The following KATNA1 variants were observed in gnomAD, a reference collection of about 807,000 sequenced individuals.
KATNA1 encodes katanin p60 ATPase-containing subunit A1.
KATNA1 carries 42 observed loss-of-function variants against 62.6 expected under a neutral mutation model. The ratio of observed to expected loss-of-function variants is 0.67; its 90% CI spans 0.52 to 0.87. The LOEUF (loss-of-function observed/expected upper bound fraction) is 0.87. KATNA1 is among the 40% of genes least tolerant of loss of function. KATNA1 has a pLI of 0.00. For missense variants in KATNA1, 498 were observed against 612.5 expected (o/e 0.81, Z 1.97); for synonymous variants, 186 against 201.9 (o/e 0.92, Z 0.67).
chr6:149,609,397 A>G (rs1257633089), intron 4 of KATNA1, among the ~76,000 whole-genome samples: 1 of 152,194 alleles, frequency 6.6e-6, no homozygotes. Context: ...TTTTCAAGAA[A>G]AAAACTCAGG....
At chr6:149,644,506 C>T (rs917693458) in intron 1 of KATNA1, among the ~76,000 whole-genome samples, 4 of 151,918 alleles carry the variant, frequency 2.6e-5, no homozygotes, top group African/African-American at 9.7e-5. Context: ...CCTGTAGTCC[C>T]AGCTACCAGG....
chr6:149,600,320 G>A (rs1301855285), intron 7 of KATNA1, among the ~76,000 whole-genome samples: 1 of 150,952 alleles, frequency 6.6e-6, no homozygotes, highest in Non-Finnish European at 1.5e-5. Flanking sequence ...GCAACGTAGT[G>A]AGACTTCATC....
At chr6:149,646,917 A>G (rs1780507522) in intron 1 of KATNA1, among the ~76,000 whole-genome samples, 1 of 152,232 alleles carries the variant, frequency 6.6e-6, no homozygotes, top group Admixed American at 6.5e-5. Context: ...TATTGTTAAT[A>G]GAAATTCAAC....
intron 3 of KATNA1, among the ~76,000 whole-genome samples, chr6:149,627,999 T>A (rs1371673604): frequency 6.6e-6 from 1 of 151,944 alleles, no homozygotes; most frequent in Admixed American, 6.5e-5. Context: ...GATGGGAAGA[T>A]ATTTGAGGGA....
At chr6:149,634,860 T>C (rs1582804246) in intron 2 of KATNA1, among the ~76,000 whole-genome samples, 1 of 152,254 alleles carries the variant, frequency 6.6e-6, no homozygotes, top group East Asian at 1.9e-4. Flanking sequence ...AATATACTAA[T>C]TTTATGGCTA....
At chr6:149,633,161 T>C (rs1779918700) in intron 2 of KATNA1, among the ~76,000 whole-genome samples, 1 of 145,960 alleles carries the variant, frequency 6.9e-6, no homozygotes, top group Admixed American at 7.3e-5. Context: ...TGGAGTGCAG[T>C]GGCGTGATCA....
intron 3 of KATNA1, 65 bp downstream of exon 3, chr6:149,632,694 T>C: frequency 7.3e-7 from 1 of 1,378,088 alleles, no homozygotes; most frequent in Non-Finnish European, 9.8e-7. Flanking sequence ...CCCATCCTCC[T>C]CCTAAATATA....
intron 4 of KATNA1, among the ~76,000 whole-genome samples, chr6:149,614,884 C>A (rs1247216398): frequency 6.6e-6 from 1 of 152,064 alleles, no homozygotes; most frequent in Non-Finnish European, 1.5e-5. Context: ...GCCTGTAATC[C>A]CAATACTTTG....
chr6:149,601,435 A>G (rs765170201), intron 7 of KATNA1, among the ~76,000 whole-genome samples, 159 bp downstream of exon 7: 3 of 152,220 alleles, frequency 2.0e-5, no homozygotes, highest in Non-Finnish European at 4.4e-5. Context: ...AACTCTAATT[A>G]TTCATGTTTG....
intron 1 of KATNA1, among the ~76,000 whole-genome samples, chr6:149,645,136 A>G (rs1780433824): frequency 6.6e-6 from 1 of 152,208 alleles, no homozygotes; most frequent in Admixed American, 6.5e-5. Context: ...CAATATTTGA[A>G]GAATTGAATC....
At chr6:149,635,539 T>C (rs1335379506) in intron 2 of KATNA1, among the ~76,000 whole-genome samples, 1 of 151,330 alleles carries the variant, frequency 6.6e-6, no homozygotes, top group East Asian at 2.0e-4. Flanking sequence ...AAACCCCGTC[T>C]CTACTAAAAG....
At chr6:149,614,649 C>G (rs1363784674) in intron 4 of KATNA1, among the ~76,000 whole-genome samples, 1 of 152,142 alleles carries the variant, frequency 6.6e-6, no homozygotes, top group Non-Finnish European at 1.5e-5. Flanking sequence ...AGGTGTACAC[C>G]TGTAGTCCCA....
intron 2 of KATNA1, among the ~76,000 whole-genome samples, chr6:149,634,422 G>A (rs538337234): frequency 2.3e-4 from 35 of 152,192 alleles, no homozygotes; most frequent in African/African-American, 7.7e-4. Flanking sequence ...CTACTTTAGA[G>A]GCTGAGGTGA....
At chr6:149,622,999 A>C in intron 4 of KATNA1, 104 bp downstream of exon 4, 1 of 853,232 alleles carries the variant, frequency 1.2e-6, no homozygotes, top group South Asian at 2.0e-5. Flanking sequence ...ACAGAGTGAG[A>C]CTGTCTCAAA....
intron 4 of KATNA1, among the ~76,000 whole-genome samples, chr6:149,620,710 ACT>A (rs1779359081): frequency 6.6e-6 from 1 of 152,170 alleles, no homozygotes; most frequent in African/African-American, 2.4e-5. Context: ...TATGTTAATT[ACT>A]CTGATTTGAT....
chr6:149,611,914 G>T (rs964870289), intron 4 of KATNA1, among the ~76,000 whole-genome samples: 8 of 151,888 alleles, frequency 5.3e-5, no homozygotes, highest in African/African-American at 1.7e-4. Flanking sequence ...GCAGGAGAAT[G>T]GTGTGAACCC....
intron 1 of KATNA1, among the ~76,000 whole-genome samples, chr6:149,642,508 C>T (rs891422120): frequency 1.3e-5 from 2 of 152,102 alleles, no homozygotes; most frequent in Non-Finnish European, 2.9e-5. Flanking sequence ...TGACAGAAAT[C>T]TTTGAGAAAT....
At chr6:149,638,602 G>T in intron 1 of KATNA1, 42 bp from the exon 2 acceptor site, 1 of 1,391,800 alleles carries the variant, frequency 7.2e-7, no homozygotes, top group Non-Finnish European at 9.9e-7. Flanking sequence ...AGGTTTACAT[G>T]TCTCTTAAAA....
At chr6:149,622,360 G>A (rs1404456448) in intron 4 of KATNA1, among the ~76,000 whole-genome samples, 2 of 151,982 alleles carry the variant, frequency 1.3e-5, no homozygotes, top group Non-Finnish European at 2.9e-5. Context: ...GTAAAAGAAT[G>A]TCTTAGTACT....
Sources: gnomAD v4.1 joint callset for allele counts (sites outside exome capture counted in the v4.1 genomes callset) on GRCh38, gnomAD v4.1.1 for gene constraint, MANE v1.5 for transcripts, NCBI Gene and HGNC (gene_info 2026-07-23, HGNC 2026-07-21) for gene names.